USP28: variants seen among roughly 807,000 people sequenced by gnomAD.
USP28 encodes ubiquitin carboxyl-terminal hydrolase 28.
A neutral mutation model predicts 145.0 loss-of-function variants in USP28; 113 were observed. The observed-to-expected ratio is 0.78, with a 90% CI of 0.67 to 0.91. The LOEUF (loss-of-function observed/expected upper bound fraction) is 0.91, where lower values mean the gene tolerates loss of function less well. USP28 is among the 40% of genes least tolerant of loss of function. USP28 has a pLI of 0.00. For missense variants in USP28, 1,201 were observed against 1,289.6 expected (o/e 0.93, Z 1.05); for synonymous variants, 447 against 450.9 (o/e 0.99, Z 0.11).
intron 1 of USP28, among the ~76,000 whole-genome samples, chr11:113,857,879 G>A (rs76295703): frequency 1.4e-5 from 2 of 147,936 alleles, no homozygotes; most frequent in African/African-American, 5.0e-5. Flanking sequence ...TTTTTTTTTT[G>A]AGACAGGGTC....
In USP28 at chr11:113,815,467, A is replaced by G. The variant is rs533031691; in HGVS notation, c.1464-85T>C. On this transcript the variant is annotated intron_variant, in intron 13 of 24. Coordinates refer to ENST00000003302, the Ensembl canonical transcript of USP28. ...TATGTACTTTGGAAAGCAAGATGCT[A>G]TATGAAAAAGTACAGGTATTCAGTG... 6.5e-5 allele frequency: 85 copies of G among 1,298,306 alleles called. No individual in the cohort carries two copies. The African/African-American group carries it at 1.2e-3, about 18-fold the overall frequency. 80.4% of individuals were successfully genotyped at this position (1,298,306 alleles called of 1,614,324 possible).
chr11:113,804,694 G>A (rs143308492), exon 21 of USP28: 2 of 1,614,064 alleles, frequency 1.2e-6, no homozygotes, highest in Non-Finnish European at 1.7e-6. Context: ...CCATATTCAT[G>A]TCATCTGGAC....
At chr11:113,818,876 A>G (rs1193778693) in intron 12 of USP28, among the ~76,000 whole-genome samples, 3 of 148,510 alleles carry the variant, frequency 2.0e-5, no homozygotes, top group African/African-American at 7.4e-5. Context: ...AAGCAAAACA[A>G]AACACCAAAA....
intron 24 of USP28, among the ~76,000 whole-genome samples, chr11:113,800,329 A>T (rs528860945): frequency 6.6e-6 from 1 of 151,456 alleles, no homozygotes; most frequent in East Asian, 1.9e-4. Flanking sequence ...TGTTTTTTAA[A>T]GATAGGGTCT....
At chr11:113,834,437 G>T in intron 5 of USP28, 102 bp from the exon 6 acceptor site, 1 of 777,276 alleles carries the variant, frequency 1.3e-6, no homozygotes, top group Non-Finnish European at 1.9e-6. Flanking sequence ...TTAAAAGTAT[G>T]CAAAACTATC....
chr11:113,875,342 G>A (rs1949269654), intron 1 of USP28, 103 bp downstream of exon 1: 1 of 986,554 alleles, frequency 1.0e-6, no homozygotes, highest in Non-Finnish European at 1.3e-6. Flanking sequence ...CGCCCGGCCG[G>A]GGCGCCCTCC....
chr11:113,806,454 T>C (rs747160241), intron 19 of USP28, 35 bp downstream of exon 20: 2 of 1,543,702 alleles, frequency 1.3e-6, no homozygotes, highest in Admixed American at 3.4e-5. Flanking sequence ...ATGATGCCTA[T>C]ATTGTAAGAA....
At chr11:113,837,774 A>G (rs1032840663) in intron 5 of USP28, among the ~76,000 whole-genome samples, 2 of 152,206 alleles carry the variant, frequency 1.3e-5, no homozygotes, top group African/African-American at 4.8e-5. Flanking sequence ...AAGTGCTGTC[A>G]AGAGGATGTC....
At chr11:113,860,472 A>G (rs1947542680) in intron 1 of USP28, among the ~76,000 whole-genome samples, 1 of 151,836 alleles carries the variant, frequency 6.6e-6, no homozygotes, top group African/African-American at 2.4e-5. Flanking sequence ...AACAAAAAAC[A>G]AAAACAAAAC....
At chr11:113,854,846 A>G (rs1447104525) in intron 1 of USP28, among the ~76,000 whole-genome samples, 1 of 152,252 alleles carries the variant, frequency 6.6e-6, no homozygotes, top group Admixed American at 6.5e-5. Context: ...AATAGATGAC[A>G]GTAAAATTAC....
rs557299256 is a variant in USP28 at position 113,842,154 on chromosome 11, ACTC to A, written c.269-389_269-387del. ...AAAATATTCCAGAGAATAGGGATAT[ACTC>A]CTCAACTAGTTAAGAACGGTAAGAG... On this transcript the variant is annotated intron_variant, in intron 3 of 24. Transcript: ENST00000003302. Among the ~76,000 whole-genome samples the A allele has an allele frequency of 2.8e-4, 43 of 152,308 alleles. No homozygotes were observed. In the South Asian group the frequency reaches 8.1e-3, roughly 29 times the overall value.
chr11:113,830,768 T>A (rs1943888537), intron 9 of USP28, 99 bp downstream of exon 9: 1 of 1,115,848 alleles, frequency 9.0e-7, no homozygotes, highest in African/African-American at 1.6e-5. Flanking sequence ...TGAGTACTGC[T>A]GACTCTCAAG....
chr11:113,812,208 A>G (rs1941092681), intron 16 of USP28, 68 bp downstream of exon 16: 1 of 1,221,818 alleles, frequency 8.2e-7, no homozygotes, highest in Non-Finnish European at 1.2e-6. Context: ...AAAGCAGTAC[A>G]AGACTGTTCT....
chr11:113,802,156 G>GA (rs1939152118), intron 23 of USP28, among the ~76,000 whole-genome samples: 1 of 152,258 alleles, frequency 6.6e-6, no homozygotes, highest in Admixed American at 6.5e-5. Context: ...CTCAATAATG[G>GA]AAAGAGTCTA....
intron 1 of USP28, among the ~76,000 whole-genome samples, chr11:113,874,162 T>G (rs1428902226): frequency 3.9e-5 from 3 of 77,850 alleles, no homozygotes; most frequent in Admixed American, 1.3e-4. Flanking sequence ...AAAAAAAAAG[T>G]GCGTCCAGAC....
chr11:113,849,017 AC>A (rs1259539720), intron 3 of USP28, among the ~76,000 whole-genome samples: 1 of 152,206 alleles, frequency 6.6e-6, no homozygotes, highest in Non-Finnish European at 1.5e-5. Flanking sequence ...ATAATTGAGG[AC>A]ATAAAATAAT....
chr11:113,829,368 T>TA, intron 9 of USP28, 23 bp from the exon 10 acceptor site: 4 of 1,610,068 alleles, frequency 2.5e-6, no homozygotes, highest in Non-Finnish European at 3.4e-6. Context: ...AGAGACTTTT[T>TA]AAAAAAGACA....
chr11:113,839,673 G>C (rs1252378580), intron 5 of USP28, among the ~76,000 whole-genome samples: 1 of 152,188 alleles, frequency 6.6e-6, no homozygotes, highest in Non-Finnish European at 1.5e-5. Flanking sequence ...CGGAACACCT[G>C]AGGTCAGGAG....
At chr11:113,829,292 C>A (rs749641786) in exon 10 of USP28, 1 of 1,614,120 alleles carries the variant, frequency 6.2e-7, no homozygotes, top group East Asian at 2.2e-5. Context: ...TTGCGATAAC[C>A]GTTTACCTGA....
Sources: allele counts gnomAD v4.1 joint callset (sites outside exome capture counted in the v4.1 genomes callset), GRCh38; gene constraint gnomAD v4.1.1; transcripts MANE v1.5; gene names NCBI Gene and HGNC (gene_info 2026-07-23, HGNC 2026-07-21).